ATP7A: variants seen among roughly 807,000 people sequenced by gnomAD.
ATP7A encodes ATPase copper transporting alpha, also known as copper-transporting ATPase 1.
A neutral mutation model predicts 83.5 loss-of-function variants in ATP7A; 7 were observed. The ratio of observed to expected loss-of-function variants is 0.08; its 90% CI spans 0.05 to 0.16. The LOEUF (loss-of-function observed/expected upper bound fraction) is 0.16. ATP7A is among the 10% of genes least tolerant of loss of function. The pLI is 1.00. For synonymous variants in ATP7A, 354 were observed against 395.2 expected, an observed-to-expected ratio of 0.90 and a Z score of 1.24; for missense variants, 940 against 1,120.8, an observed-to-expected ratio of 0.84 and a Z score of 2.30.
intron 4 of ATP7A, among the ~76,000 whole-genome samples, chrX:77,992,918 T>G (rs2077678621): frequency 8.9e-6 from 1 of 112,658 alleles, no homozygotes; most frequent in African/African-American, 3.2e-5. Flanking sequence ...CTGGCCCACT[T>G]ACATTTTTTT....
intron 15 of ATP7A, among the ~76,000 whole-genome samples, chrX:78,029,687 A>T (rs1161429753): frequency 1.8e-5 from 2 of 111,613 alleles, no homozygotes; most frequent in Non-Finnish European, 3.8e-5. Flanking sequence ...AATGTGGAAA[A>T]CCTGGACTCC....
At chrX:77,937,411 A>G (rs1234759540) in intron 1 of ATP7A, among the ~76,000 whole-genome samples, 1 of 112,582 alleles carries the variant, frequency 8.9e-6, no homozygotes, top group African/African-American at 3.2e-5. Context: ...TTCTTATGAA[A>G]TTAAACCTGT....
intron 5 of ATP7A, among the ~76,000 whole-genome samples, chrX:77,999,037 C>A (rs1421226608): frequency 9.3e-6 from 1 of 106,953 alleles, no homozygotes; most frequent in African/African-American, 3.4e-5. Flanking sequence ...TGCTCTGTCG[C>A]CCAGGCTGGA....
chrX:77,965,323 C>T (rs1297701805), intron 1 of ATP7A: 2 of 291,831 alleles, frequency 6.9e-6, no homozygotes, highest in Non-Finnish European at 1.3e-5. Flanking sequence ...AACTCAACAA[C>T]AACAACAAAA....
At chrX:77,974,155 T>G (rs35353275) in intron 2 of ATP7A, among the ~76,000 whole-genome samples, 6,900 of 109,284 alleles carry the variant, frequency 0.063, 225 homozygotes, top group African/African-American at 0.12. Flanking sequence ...ATAGTTTTTT[T>G]TTTTTTTTAA....
intron 4 of ATP7A, among the ~76,000 whole-genome samples, chrX:77,992,761 G>A (rs782127767): frequency 1.8e-5 from 2 of 110,842 alleles, no homozygotes; most frequent in Non-Finnish European, 3.8e-5. Context: ...ACAGGTGCAC[G>A]CCACCATGCC....
chrX:77,990,227 A>G (rs2077661687), intron 4 of ATP7A, among the ~76,000 whole-genome samples: 1 of 112,386 alleles, frequency 8.9e-6, no homozygotes. Flanking sequence ...ACATTATGGT[A>G]TTAAAGATAA....
At chrX:78,044,276 T>A (rs782610673) in intron 21 of ATP7A, among the ~76,000 whole-genome samples, 3,800 of 77,272 alleles carry the variant, frequency 0.049, 114 homozygotes, top group African/African-American at 0.14. Flanking sequence ...AAAAAAAAAA[T>A]TCATACCTCC....
intron 1 of ATP7A, among the ~76,000 whole-genome samples, chrX:77,937,938 C>CCT (rs1395437767): frequency 1.8e-5 from 2 of 108,163 alleles, no homozygotes; most frequent in Non-Finnish European, 3.8e-5. Flanking sequence ...CCCCACTACC[C>CCT]CTCTCTCTCT....
chrX:77,963,503 G>C (rs186423084), intron 1 of ATP7A: 1 of 112,246 alleles, frequency 8.9e-6, no homozygotes, highest in Non-Finnish European at 1.9e-5. Flanking sequence ...GGACTTTGTT[G>C]ACTTGAAGGA....
At chrX:77,956,270 A>G (rs1294782351) in intron 1 of ATP7A, among the ~76,000 whole-genome samples, 1 of 111,773 alleles carries the variant, frequency 8.9e-6, no homozygotes, top group African/African-American at 3.3e-5. Flanking sequence ...ACTGTGTATA[A>G]GGGTTCCCTT....
In ATP7A at chrX:78,050,247, T is replaced by C. The variant is rs2078105507; in HGVS notation, c.*3677T>C. 8.9e-6 allele frequency: 1 copy of C among 112,344 alleles called. No individual in the cohort carries two copies. The highest frequency in any genetic ancestry group is 3.7e-4 in the South Asian group (1 of 2,730). 9.3% of individuals were successfully genotyped at this position (112,344 alleles called of 1,213,427 possible). A position where few individuals can be genotyped will look rare whatever the true frequency, so the allele number is the denominator to read the frequency against. ...CTAAACGTTGTTGAACATTGATTGT[T>C]TGGTACCGAAAACAGCAGTGGACGA... On this transcript the variant is annotated 3_prime_UTR_variant, in exon 23 of 23. Coordinates refer to ENST00000341514, the MANE Select transcript of ATP7A (RefSeq NM_000052.7).
intron 1 of ATP7A, among the ~76,000 whole-genome samples, chrX:77,929,411 T>A (rs1432908746): frequency 9.0e-6 from 1 of 111,035 alleles, no homozygotes; most frequent in African/African-American, 3.3e-5. Flanking sequence ...CAACGTAAGG[T>A]AGGGGAAAAG....
At chrX:77,929,509 C>G (rs1309924024) in intron 1 of ATP7A, among the ~76,000 whole-genome samples, 1 of 111,871 alleles carries the variant, frequency 8.9e-6, no homozygotes, top group Non-Finnish European at 1.9e-5. Flanking sequence ...GGAGCTCTCA[C>G]TATGTCTTCG....
intron 1 of ATP7A, among the ~76,000 whole-genome samples, chrX:77,961,234 A>G (rs2077472726): frequency 8.9e-6 from 1 of 112,145 alleles, no homozygotes; most frequent in South Asian, 3.6e-4. Context: ...GGACTCCTCA[A>G]TACTTACTTC....
At chrX:77,922,564 A>G (rs1557223231) in intron 1 of ATP7A, among the ~76,000 whole-genome samples, 1 of 110,223 alleles carries the variant, frequency 9.1e-6, no homozygotes, top group Non-Finnish European at 1.9e-5. Flanking sequence ...ACATACACAC[A>G]CCCCACCCCA....
At position 78,009,552 on chromosome X, in the gene ATP7A, TATAA is replaced by T. The variant is rs2077802848; in HGVS notation, c.1869+294_1869+297del. The T allele has an allele frequency of 3.5e-5, 10 of 287,738 alleles. 1 individual carries two copies. The South Asian group carries it at 5.5e-4, about 16-fold the overall frequency. 23.7% of individuals were successfully genotyped at this position (287,738 alleles called of 1,213,427 possible). A position where few individuals can be genotyped will look rare whatever the true frequency, so the allele number is the denominator to read the frequency against. On this transcript the variant is annotated intron_variant, in intron 7 of 22. Transcript: ENST00000341514. Reference sequence around the variant, plus strand: ...AAAATGGAAATAAAGTATAATTTGTTATAAATAAGATTCATATTAGTTACTAAGA... The same window carrying T: ...AAAATGGAAATAAAGTATAATTTGTTATAAGATTCATATTAGTTACTAAGA...
intron 2 of ATP7A, among the ~76,000 whole-genome samples, chrX:77,973,049 T>C (rs782633203): frequency 1.8e-5 from 2 of 110,120 alleles, no homozygotes; most frequent in East Asian, 5.6e-4. Context: ...ATGGCAGGGA[T>C]TGGAAAATGG....
intron 2 of ATP7A, among the ~76,000 whole-genome samples, chrX:77,987,284 C>T (rs1006274232): frequency 2.7e-5 from 3 of 111,527 alleles, no homozygotes; most frequent in Non-Finnish European, 5.6e-5. Flanking sequence ...ACTGCTGTTA[C>T]GAAGAACTTT....
Sources: gnomAD v4.1 joint callset for allele counts (sites outside exome capture counted in the v4.1 genomes callset) on GRCh38, gnomAD v4.1.1 for gene constraint, MANE v1.5 for transcripts, NCBI Gene and HGNC (gene_info 2026-07-23, HGNC 2026-07-21) for gene names.